RBBP5: variants seen among roughly 807,000 people sequenced by gnomAD.
RBBP5 encodes retinoblastoma-binding protein 5.
Under a neutral mutation model 72.2 loss-of-function variants are expected in RBBP5, and 5 were observed. The ratio of observed to expected loss-of-function variants is 0.07; its 90% CI spans 0.04 to 0.15. The LOEUF is 0.15. Ranked by LOEUF, RBBP5 falls within the 10% of genes least tolerant of loss-of-function variation. The pLI, the probability that RBBP5 is intolerant of heterozygous loss-of-function variation, is 1.00. For synonymous variants in RBBP5, 209 were observed against 237.2 expected, an observed-to-expected ratio of 0.88 and a Z score of 1.09; for missense variants, 322 against 652.2, an observed-to-expected ratio of 0.49 and a Z score of 5.51.
Position 205,099,120 on chromosome 1 carries a change from T to C in RBBP5, c.979-14A>G. 1 of 1,483,566 alleles carries C rather than the reference T, an allele frequency of 6.7e-7. No individual in the cohort carries two copies. The highest frequency in any genetic ancestry group is 9.3e-7 in the Non-Finnish European group (1 of 1,070,378). 91.9% of individuals were successfully genotyped at this position (1,483,566 alleles called of 1,614,324 possible). On this transcript the variant is annotated splice_polypyrimidine_tract_variant and intron_variant, in intron 9 of 13. Transcript: ENST00000264515. This position sits in a 1 kb window ranked among gnomAD's most constrained non-coding sequence, Gnocchi z 4.7. ...ACTCCAGTTTTCCTATACAACAAGA[T>C]ATACTACTTAACCATATGTGAAAGC...
chr1:205,117,970 C>T (rs1025512817), intron 1 of RBBP5, among the ~76,000 whole-genome samples: 10 of 151,838 alleles, frequency 6.6e-5, no homozygotes, highest in African/African-American at 1.7e-4. Flanking sequence ...CTGCCATGTC[C>T]GGCTAATTTT....
intron 10 of RBBP5, among the ~76,000 whole-genome samples, chr1:205,097,989 CTA>C (rs751271055): frequency 7.9e-5 from 12 of 152,178 alleles, no homozygotes; most frequent in Non-Finnish European, 1.0e-4. Flanking sequence ...ACAAACCTTA[CTA>C]TGTTATAAAG....
chr1:205,106,715 A>T (rs540361955), intron 3 of RBBP5, among the ~76,000 whole-genome samples: 1 of 152,342 alleles, frequency 6.6e-6, no homozygotes, highest in Non-Finnish European at 1.5e-5. Context: ...GAATAAGAAA[A>T]GACAATCAAT....
At chr1:205,113,261 C>T (rs1398042480) in intron 3 of RBBP5, among the ~76,000 whole-genome samples, 6 of 151,624 alleles carry the variant, frequency 4.0e-5, no homozygotes, top group African/African-American at 1.2e-4. Flanking sequence ...AATAAAAACA[C>T]ACATATTTTT....
At chr1:205,115,040 T>A in intron 2 of RBBP5, 79 bp from the exon 3 acceptor site, 2 of 1,242,484 alleles carry the variant, frequency 1.6e-6, no homozygotes, top group Non-Finnish European at 1.1e-6. Context: ...TCTTTATCAC[T>A]TGTGATACTT....
rs370848688 is a variant in RBBP5 at position 205,096,711 on chromosome 1, T to C, written c.1367A>G (p.Asn456Ser). The change falls in exon 12 of 14, where the codon AAT (asparagine) becomes AGT (serine). Residue 456 changes from asparagine to serine, a missense_variant. Around this residue, in one of 6 missense-constraint regions of RBBP5, gnomAD observed 109 missense variants for 146.3 expected, o/e 0.75. Transcript: ENST00000264515. Reference sequence around the variant, plus strand: ...ATTTGGTACTCCTTGAAGTTCTATATTGGTTGTTTTGGGTTTCTTCTTAGG... The same window carrying C: ...ATTTGGTACTCCTTGAAGTTCTATACTGGTTGTTTTGGGTTTCTTCTTAGG... ...QPPKKKPKTTNIELQGVPNDE... is the reference protein window; with the variant it reads ...QPPKKKPKTTSIELQGVPNDE... The C allele has an allele frequency of 5.6e-6, 9 of 1,613,968 alleles. No homozygotes were observed. The highest frequency in any genetic ancestry group is 1.3e-5 in the African/African-American group (1 of 74,908).
chr1:205,108,310 C>T (rs1293561079), intron 3 of RBBP5, among the ~76,000 whole-genome samples: 1 of 152,012 alleles, frequency 6.6e-6, no homozygotes, highest in Non-Finnish European at 1.5e-5. Context: ...TTAACACTGT[C>T]TTATGTGGGT....
chr1:205,115,736 G>T, intron 2 of RBBP5, 122 bp downstream of exon 2: 1 of 1,256,090 alleles, frequency 8.0e-7, no homozygotes, highest in Non-Finnish European at 1.1e-6. Context: ...TATAGCATAA[G>T]ATATATTATC....
At chr1:205,120,503 T>C (rs1656695212) in intron 1 of RBBP5, among the ~76,000 whole-genome samples, 1 of 152,200 alleles carries the variant, frequency 6.6e-6, no homozygotes, top group African/African-American at 2.4e-5. Context: ...GTTGATATTT[T>C]ACCAACCTTA....
chr1:205,121,930 C>T lies in RBBP5; in HGVS notation c.-57G>A. 1.2e-6 allele frequency: 2 copies of T among 1,604,432 alleles called. No homozygotes were observed. The highest frequency in any genetic ancestry group is 2.2e-5 in the East Asian group (1 of 44,818). ...CCGGCAACAACACCTTCTCCCCGGC[C>T]GGCTTCAGCAACTTGCGTCTAAGTG... On this transcript the variant is annotated 5_prime_UTR_variant, in exon 1 of 14. Transcript: ENST00000264515.
chr1:205,105,045 T>A lies in RBBP5; in HGVS notation c.342A>T (p.Gln114His). 1 of 1,614,028 alleles carries A rather than the reference T, an allele frequency of 6.2e-7. No homozygotes were observed. The highest frequency in any genetic ancestry group is 8.5e-7 in the Non-Finnish European group (1 of 1,179,976). Residue 114 changes from glutamine to histidine, a missense_variant, in exon 4 of 14, where the codon CAA becomes CAT. Gln to His is a conservative substitution (Grantham distance 24). Around this residue, in one of 6 missense-constraint regions of RBBP5, gnomAD observed 161 missense variants for 327.8 expected, o/e 0.49. Transcript: ENST00000264515. Reference sequence around the variant, plus strand: ...AAACATACTGATCTCGTGGATGATATTGGACTTTTAAGATGGGTGAAGGGA... The same window carrying A: ...AAACATACTGATCTCGTGGATGATAATGGACTTTTAAGATGGGTGAAGGGA... ...FRFPSPILKV[Q>H]YHPRDQNKVL...
At chr1:205,118,805 T>C (rs765420915) in intron 1 of RBBP5, among the ~76,000 whole-genome samples, 15 of 152,214 alleles carry the variant, frequency 9.9e-5, no homozygotes, top group Non-Finnish European at 1.6e-4. Context: ...TCTTATTTAA[T>C]TATATCTCCG....
Position 205,121,947 on chromosome 1 carries a change from G to A in RBBP5, c.-74C>T, listed in dbSNP as rs112648081. The A allele has an allele frequency of 6.3e-7, 1 of 1,597,950 alleles. No homozygotes were observed. The highest frequency in any genetic ancestry group is 8.5e-7 in the Non-Finnish European group (1 of 1,176,376). On this transcript the variant is annotated 5_prime_UTR_variant, in exon 1 of 14. It adds an upstream start codon to the 5' untranslated region. Transcript: ENST00000264515. ...TCCCCGGCCGGCTTCAGCAACTTGC[G>A]TCTAAGTGGTGGACGCCGCGAAGAG...
chr1:205,094,826 A>G, intron 13 of RBBP5, 47 bp downstream of exon 13: 2 of 1,559,342 alleles, frequency 1.3e-6, no homozygotes, highest in Non-Finnish European at 1.7e-6. Flanking sequence ...GGCTACACAA[A>G]GCAAGGCCAC....
chr1:205,106,576 C>CA (rs1558577753), intron 3 of RBBP5, among the ~76,000 whole-genome samples: 1 of 132,350 alleles, frequency 7.6e-6, no homozygotes, highest in African/African-American at 2.5e-5. Flanking sequence ...CCAGCCTAGG[C>CA]AACAGAGTGA....
intron 1 of RBBP5, among the ~76,000 whole-genome samples, chr1:205,116,941 A>C (rs144606711): frequency 6.6e-6 from 1 of 152,240 alleles, no homozygotes; most frequent in African/African-American, 2.4e-5. Flanking sequence ...GACTAATAAC[A>C]GCATTTAGGT....
intron 1 of RBBP5, chr1:205,116,129 G>A (rs1048191379): frequency 6.2e-6 from 4 of 647,226 alleles, no homozygotes; most frequent in African/African-American, 5.6e-5. Context: ...AACAGAGTGA[G>A]GGCAGAAGCA....
In RBBP5 at chr1:205,099,941, C is replaced by A. The variant is rs369557955; in HGVS notation, c.876G>T (p.Gly292=). 1 of 1,614,054 alleles carries A rather than the reference C, an allele frequency of 6.2e-7. No homozygotes were observed. The highest frequency in any genetic ancestry group is 1.3e-5 in the African/African-American group (1 of 74,908). The change falls in exon 8 of 14, where the codon GGG becomes GGT. Residue 292 remains glycine (G), a synonymous_variant. Coordinates refer to ENST00000264515, the MANE Select transcript of RBBP5 (RefSeq NM_005057.4). This position sits in a 1 kb window ranked among gnomAD's most constrained non-coding sequence, Gnocchi z 4.7. ...CATCCAAGAGGAGTTCTCCTCTCGTCCCATGGAGAATCTTCACCAGGTTGC... is the reference window on the plus strand; with the variant it reads ...CATCCAAGAGGAGTTCTCCTCTCGTACCATGGAGAATCTTCACCAGGTTGC... The part of the protein sequence containing the change: ...SIGNLVKILH[G]TRGELLLDVA...
chr1:205,110,845 C>A (rs1656282920), intron 3 of RBBP5, among the ~76,000 whole-genome samples: 1 of 152,146 alleles, frequency 6.6e-6, no homozygotes, highest in Non-Finnish European at 1.5e-5. Flanking sequence ...AGGCAGATCA[C>A]CTGAGGTCGG....
Sources: allele counts gnomAD v4.1 joint callset (sites outside exome capture counted in the v4.1 genomes callset), GRCh38; gene constraint gnomAD v4.1.1; regional missense constraint gnomAD v4.1.1; non-coding constraint Gnocchi (gnomAD v3.1); transcripts MANE v1.5; gene names NCBI Gene and HGNC (gene_info 2026-07-23, HGNC 2026-07-21).